Variants in PLEKHG2 observed in about 807,000 individuals in gnomAD.
The protein encoded by PLEKHG2 is pleckstrin homology and RhoGEF domain containing G2, also known as pleckstrin homology domain-containing family G member 2.
In PLEKHG2, 71 loss-of-function variants were observed where a neutral mutation model predicts 104.4. The ratio of observed to expected loss-of-function variants is 0.68; its 90% confidence interval spans 0.56 to 0.83. The LOEUF (loss-of-function observed/expected upper bound fraction) is 0.83. Ranked by LOEUF, PLEKHG2 falls within the 40% of genes least tolerant of loss-of-function variation. PLEKHG2 has a pLI of 0.00. For missense variants in PLEKHG2, 1,730 were observed against 1,809.4 expected (o/e 0.96, Z 0.80); for synonymous variants, 728 against 737.0 (o/e 0.99, Z 0.20).
chr19:39,420,904 C>A, intron 13 of PLEKHG2, 45 bp from the exon 14 acceptor site: 6 of 1,614,026 alleles, frequency 3.7e-6, no homozygotes, highest in Non-Finnish European at 5.1e-6. Context: ...TTCCCTAGGA[C>A]CCGGGAGCTG....
intron 11 of PLEKHG2, 91 bp from the exon 12 acceptor site, chr19:39,420,535 C>T: frequency 6.5e-7 from 1 of 1,541,144 alleles, no homozygotes; most frequent in Non-Finnish European, 9.0e-7. Flanking sequence ...AAAACAGCAC[C>T]CATTAATGGG....
In PLEKHG2 at chr19:39,415,008, C is replaced by T. The variant is rs753927714; in HGVS notation, c.126C>T (p.Thr42=). Reference sequence around the variant, plus strand: ...CCCCAGCAGCTCCTGCAGCCCCCACCATGGCCTCCCCCCGAGGTTCTGGGA... The same window carrying T: ...CCCCAGCAGCTCCTGCAGCCCCCACTATGGCCTCCCCCCGAGGTTCTGGGA... ...CETRTAPAAP[T]MASPRGSGSS... is the part of the protein sequence containing the mutation. The change falls in exon 3 of 19, where the codon ACC becomes ACT. Residue 42 remains threonine, a synonymous_variant. Coordinates refer to ENST00000425673, the MANE Select transcript of PLEKHG2 (RefSeq NM_022835.3). This position sits in a 1 kb window ranked among gnomAD's most constrained non-coding sequence, Gnocchi z 4.6. The T allele has an allele frequency of 6.3e-7, 1 of 1,597,180 alleles. No homozygotes were observed. The highest frequency in any genetic ancestry group is 8.5e-7 in the Non-Finnish European group (1 of 1,170,040).
chr19:39,417,012 C>A lies in PLEKHG2; in HGVS notation c.744+12C>A, dbSNP rs529352468. 4 of 1,588,938 alleles carry A rather than the reference C, an allele frequency of 2.5e-6. No individual in the cohort carries two copies. Among genetic ancestry groups the A allele is most frequent in the South Asian group, 1.1e-5 (1 of 89,004 alleles). On this transcript the variant is annotated intron_variant, in intron 7 of 18. Transcript: ENST00000425673. ...ATCTGCTGCTGCAGGTCAGCTGGGGCCCCTGGAGCCAGGCTGGGGAGGGGG... is the reference window on the plus strand; with the variant it reads ...ATCTGCTGCTGCAGGTCAGCTGGGGACCCTGGAGCCAGGCTGGGGAGGGGG...
Position 39,416,681 on chromosome 19 carries a change from G to A in PLEKHG2, c.593+84G>A, listed in dbSNP as rs1053987046. The A allele has an allele frequency of 1.5e-5, 23 of 1,551,340 alleles. No individual in the cohort carries two copies. In the East Asian group the frequency reaches 3.8e-4, roughly 26 times the overall value. On this transcript the variant is annotated intron_variant, in intron 6 of 18. Coordinates refer to ENST00000425673, the MANE Select transcript of PLEKHG2 (RefSeq NM_022835.3). The surrounding 1 kb of genome is among the most constrained non-coding windows in gnomAD (Gnocchi z 4.5). The stretch of plus-strand genomic sequence containing the variant: ...CACCCGTCACCCTCCCTCTACCCCC[G>A]ACCCATCCAGCACCGACCCCTGCCA...
rs1397832960 is a variant in PLEKHG2, at chr19:39,418,695, C to T, written c.1084-39C>T. Reference sequence around the variant, plus strand: ...TCCGTACAAGGGGCATCACTGAGCCCAAGGACTCTGAGCTTGCTACCCCTC... The same window carrying T: ...TCCGTACAAGGGGCATCACTGAGCCTAAGGACTCTGAGCTTGCTACCCCTC... On this transcript the variant is annotated intron_variant, in intron 9 of 18. Transcript: ENST00000425673. The T allele has an allele frequency of 3.2e-6, 5 of 1,551,644 alleles. No homozygotes were observed. In the South Asian group the frequency reaches 5.6e-5, roughly 17 times the overall value.
chr19:39,418,586 A>C (rs1022026808), intron 9 of PLEKHG2, 148 bp from the exon 10 acceptor site: 1 of 624,854 alleles, frequency 1.6e-6, no homozygotes, highest in African/African-American at 1.9e-5. Flanking sequence ...CTCAAAAAAA[A>C]AAAAGGGAGA....
rs777014843 is a variant in PLEKHG2, at chr19:39,424,670, T to A, written c.3537T>A (p.Pro1179=). ...LPDIQGPAAA[P]PLPEPSLTDT... is the part of the protein sequence containing the mutation. ...ACATCCAGGGTCCAGCGGCTGCACCTCCACTTCCGGAGCCAAGCCTTACAG... is the reference window on the plus strand; with the variant it reads ...ACATCCAGGGTCCAGCGGCTGCACCACCACTTCCGGAGCCAAGCCTTACAG... The change falls in exon 19 of 19, where the codon CCT becomes CCA. Residue 1179 remains proline (P), a synonymous_variant. Coordinates refer to ENST00000425673, the MANE Select transcript of PLEKHG2 (RefSeq NM_022835.3). 6.2e-7 allele frequency: 1 copy of A among 1,614,048 alleles called. No individual in the cohort carries two copies. Among genetic ancestry groups the A allele is most frequent in the East Asian group, 2.2e-5 (1 of 44,872 alleles).
At chr19:39,420,245 G>A (rs138379372) in intron 11 of PLEKHG2, among the ~76,000 whole-genome samples, 7,929 of 151,924 alleles carry the variant, frequency 0.052, 310 homozygotes, top group Non-Finnish European at 0.079. Flanking sequence ...TGTAATCCCA[G>A]CAACTCAAGA....
At chr19:39,417,191 C>T (rs1207081409) in intron 7 of PLEKHG2, among the ~76,000 whole-genome samples, 191 bp downstream of exon 7, 2 of 147,298 alleles carry the variant, frequency 1.4e-5, no homozygotes, top group East Asian at 2.0e-4. Context: ...TCACTCTTGT[C>T]GATGAGGCTG....
rs1383954007 is a variant in PLEKHG2, at chr19:39,415,689, G to T, written c.479+250G>T. Among the ~76,000 whole-genome samples the T allele has an allele frequency of 6.6e-6, 1 of 152,092 alleles. No homozygotes were observed. Among genetic ancestry groups the T allele is most frequent in the African/African-American group, 2.4e-5 (1 of 41,398 alleles). The stretch of plus-strand genomic sequence containing the variant: ...CGAGTGAGGGAGGGGCATAGCGGAT[G>T]GGAGGACCCCGAGTGAGGGAGGGGC... On this transcript the variant is annotated intron_variant, in intron 4 of 18. Coordinates refer to ENST00000425673, the MANE Select transcript of PLEKHG2 (RefSeq NM_022835.3). The surrounding 1 kb of genome is among the most constrained non-coding windows in gnomAD (Gnocchi z 4.6).
At chr19:39,422,345 C>A in intron 17 of PLEKHG2, 57 bp downstream of exon 17, 1 of 1,550,442 alleles carries the variant, frequency 6.4e-7, no homozygotes, top group South Asian at 1.2e-5. Flanking sequence ...GCACACAGAC[C>A]AGGGACCAGA....
rs1424365287 is a variant in PLEKHG2, at chr19:39,423,046, T to C, written c.1992T>C (p.Asp664=). The change falls in exon 18 of 19, where the codon GAT becomes GAC. Residue 664 remains aspartate, a synonymous_variant. Transcript: ENST00000425673. ...TTCCTAGTCTCTCTGACATTTCCGA[T>C]GTTTTTGAGATGCCCTGCCTTCCAG... The part of the protein sequence containing the change: ...SRLPSLSDIS[D]VFEMPCLPAI... 1.2e-6 allele frequency: 2 copies of C among 1,614,020 alleles called. No homozygotes were observed. The highest frequency in any genetic ancestry group is 4.5e-5 in the East Asian group (2 of 44,886).
chr19:39,416,775 C>T lies in PLEKHG2; in HGVS notation c.594-75C>T, dbSNP rs2078611487. ...GTCAGACCCTGACCCTTCCCAAACC[C>T]TGGCCCCTCCCTAACCCCTCTTGAC... On this transcript the variant is annotated intron_variant, in intron 6 of 18. Coordinates refer to ENST00000425673, the MANE Select transcript of PLEKHG2 (RefSeq NM_022835.3). This position sits in a 1 kb window ranked among gnomAD's most constrained non-coding sequence, Gnocchi z 4.5. 6.6e-7 allele frequency: 1 copy of T among 1,523,034 alleles called. No homozygotes were observed. The highest frequency in any genetic ancestry group is 2.3e-5 in the East Asian group (1 of 44,338). The allele number at this position is 1,523,034 out of a possible 1,614,324, so 94.3% of individuals were successfully genotyped here.
Position 39,418,961 on chromosome 19 carries a change from G to A in PLEKHG2, c.1221G>A (p.Gln407=). 1 of 1,613,436 alleles carries A rather than the reference G, an allele frequency of 6.2e-7. No homozygotes were observed. Among genetic ancestry groups the A allele is most frequent in the East Asian group, 2.2e-5 (1 of 44,860 alleles). The change falls in exon 11 of 19, where the codon CAG becomes CAA. Residue 407 remains glutamine, a synonymous_variant. Transcript: ENST00000425673. ...AGAGGCTGTGGATTCACTGTCTCCAGCGCCTCTTCTTTGAGAACCACCCTG... is the reference window on the plus strand; with the variant it reads ...AGAGGCTGTGGATTCACTGTCTCCAACGCCTCTTCTTTGAGAACCACCCTG... ...EEKRLWIHCL[Q]RLFFENHPAS...
Position 39,423,473 on chromosome 19 carries a change from G to T in PLEKHG2, c.2419G>T (p.Ala807Ser). 6.2e-7 allele frequency: 1 copy of T among 1,600,732 alleles called. No homozygotes were observed. Among genetic ancestry groups the T allele is most frequent in the Non-Finnish European group, 8.5e-7 (1 of 1,171,680 alleles). Reference protein sequence around the residue: ...GGDSGSGKAGAPSSERTASRV... With the variant: ...GGDSGSGKAGSPSSERTASRV... ...AGACAGCGGGAGCGGGAAGGCAGGAGCCCCGAGTTCAGAAAGGACGGCGTC... is the reference window on the plus strand; with the variant it reads ...AGACAGCGGGAGCGGGAAGGCAGGATCCCCGAGTTCAGAAAGGACGGCGTC... Residue 807 changes from alanine to serine, a missense_variant, in exon 18 of 19, where the codon GCC becomes TCC. By Grantham distance (99) the Ala-to-Ser change is moderately conservative. Coordinates refer to ENST00000425673, the MANE Select transcript of PLEKHG2 (RefSeq NM_022835.3).
chr19:39,418,116 G>A lies in PLEKHG2; in HGVS notation c.1083+11G>A. On this transcript the variant is annotated intron_variant, in intron 9 of 18. Transcript: ENST00000425673. Reference sequence around the variant, plus strand: ...AAAGGCCACATCTTCGTGAGTTTGGGGATGGGGTGGGGCTAGAATACTACC... The same window carrying A: ...AAAGGCCACATCTTCGTGAGTTTGGAGATGGGGTGGGGCTAGAATACTACC... 1.3e-6 allele frequency: 2 copies of A among 1,496,054 alleles called. No individual in the cohort carries two copies. The highest frequency in any genetic ancestry group is 1.8e-6 in the Non-Finnish European group (2 of 1,124,388). The allele number at this position is 1,496,054 out of a possible 1,614,324, so 92.7% of individuals were successfully genotyped here.
chr19:39,415,142 T>A lies in PLEKHG2; in HGVS notation c.260T>A (p.Leu87Gln). 1.2e-6 allele frequency: 2 copies of A among 1,600,456 alleles called. No homozygotes were observed. Among genetic ancestry groups the A allele is most frequent in the Non-Finnish European group, 1.7e-6 (2 of 1,173,180 alleles). ...CCCCTTCCAGGGCCTCCCATCCGCC[T>A]ACATCTCTCTCCGGTGGGGATCCCA... The part of the protein sequence containing the change: ...PEPLPGPPIR[L>Q]HLSPVGIPGS... The change falls in exon 3 of 19, where the codon CTA becomes CAA. Residue 87 changes from leucine (L) to glutamine (Q), a missense_variant. Leu to Gln is a moderately radical substitution (Grantham distance 113). Coordinates refer to ENST00000425673, the MANE Select transcript of PLEKHG2 (RefSeq NM_022835.3). The surrounding 1 kb of genome is among the most constrained non-coding windows in gnomAD (Gnocchi z 4.6).
intron 11 of PLEKHG2, 132 bp from the exon 12 acceptor site, chr19:39,420,494 A>G: frequency 8.8e-7 from 1 of 1,136,786 alleles, no homozygotes; most frequent in South Asian, 1.3e-5. Flanking sequence ...ACTGTACTCC[A>G]ACCTGGCGTA....
chr19:39,423,961 G>A lies in PLEKHG2; in HGVS notation c.2828G>A (p.Gly943Asp), dbSNP rs2078742933. 1.9e-6 allele frequency: 3 copies of A among 1,614,052 alleles called. No individual in the cohort carries two copies. The highest frequency in any genetic ancestry group is 2.2e-5 in the South Asian group (2 of 91,094). ...SAATLLPEQG[G>D]SRHVQAPAAT... is the part of the protein sequence containing the mutation. ...GCTACCCTTTTGCCTGAGCAAGGAGGTTCCCGGCATGTCCAGGCTCCAGCC... is the reference window on the plus strand; with the variant it reads ...GCTACCCTTTTGCCTGAGCAAGGAGATTCCCGGCATGTCCAGGCTCCAGCC... The change falls in exon 19 of 19, where the codon GGT becomes GAT. Residue 943 changes from glycine (G) to aspartate (D), a missense_variant. Gly to Asp is a moderately conservative substitution (Grantham distance 94). Transcript: ENST00000425673.
Sources: gnomAD v4.1 joint callset for allele counts (sites outside exome capture counted in the v4.1 genomes callset) on GRCh38, gnomAD v4.1.1 for gene constraint, Gnocchi (gnomAD v3.1) non-coding constraint, MANE v1.5 for transcripts, NCBI Gene and HGNC (gene_info 2026-07-23, HGNC 2026-07-21) for gene names.